The following CNTNAP2 variants were observed in gnomAD, a reference collection of about 807,000 sequenced individuals.
CNTNAP2 encodes contactin associated protein 2, also known as contactin-associated protein-like 2.
In CNTNAP2, 98 loss-of-function variants were observed where a neutral mutation model predicts 155.2. The ratio of observed to expected loss-of-function variants is 0.63; its 90% CI spans 0.54 to 0.75. The LOEUF (loss-of-function observed/expected upper bound fraction) is 0.75, where lower values mean the gene tolerates loss of function less well. Ranked by LOEUF, CNTNAP2 falls within the 30% of genes least tolerant of loss-of-function variation. The probability of loss-of-function intolerance (pLI) is 0.00; values close to 1 mark genes in which losing one functional copy is unlikely to be tolerated. For synonymous variants in CNTNAP2, 651 were observed against 631.2 expected (o/e 1.03, Z -0.47); for missense variants, 1,727 against 1,688.1 (o/e 1.02, Z -0.40).
chr7:147,111,865 T>A (rs1164175426), intron 5 of CNTNAP2, among the ~76,000 whole-genome samples: 1 of 152,184 alleles, frequency 6.6e-6, no homozygotes, highest in East Asian at 1.9e-4. Flanking sequence ...TTTGGTTCCA[T>A]GTGAATTTTT....
At chr7:147,784,141 A>G (rs540248081) in intron 13 of CNTNAP2, among the ~76,000 whole-genome samples, 29 of 151,922 alleles carry the variant, frequency 1.9e-4, no homozygotes, top group African/African-American at 7.0e-4. Context: ...CCTTTTTATA[A>G]GGACAGCAGC....
At chr7:148,234,179 T>C (rs1796010630) in intron 20 of CNTNAP2, among the ~76,000 whole-genome samples, 2 of 152,314 alleles carry the variant, frequency 1.3e-5, no homozygotes, top group Admixed American at 6.5e-5. Flanking sequence ...TAAAGTAAGA[T>C]GCAACCTGCC....
intron 13 of CNTNAP2, among the ~76,000 whole-genome samples, chr7:147,802,275 G>T (rs995212487): frequency 6.8e-6 from 1 of 146,564 alleles, no homozygotes; most frequent in Non-Finnish European, 1.5e-5. Context: ...GGGCAGAGAC[G>T]CTCCTCACTT....
At chr7:148,384,304 G>C (rs1799140971) in intron 22 of CNTNAP2, among the ~76,000 whole-genome samples, 1 of 152,162 alleles carries the variant, frequency 6.6e-6, no homozygotes, top group Non-Finnish European at 1.5e-5. Flanking sequence ...TCCTGGCTCT[G>C]TATTTATATG....
At chr7:146,784,164 A>G (rs1019086538) in intron 2 of CNTNAP2, among the ~76,000 whole-genome samples, 2 of 152,170 alleles carry the variant, frequency 1.3e-5, no homozygotes, top group African/African-American at 4.8e-5. Flanking sequence ...TTAGTTAATT[A>G]TTTTTAGGAA....
At chr7:146,541,214 G>T (rs1797948191) in intron 1 of CNTNAP2, among the ~76,000 whole-genome samples, 1 of 151,966 alleles carries the variant, frequency 6.6e-6, no homozygotes, top group Admixed American at 6.6e-5. Context: ...TAATTGCCAT[G>T]TCAAGGGTTT....
intron 1 of CNTNAP2, among the ~76,000 whole-genome samples, chr7:146,447,536 A>G (rs2129121413): frequency 6.6e-6 from 1 of 152,124 alleles, no homozygotes; most frequent in East Asian, 1.9e-4. Flanking sequence ...ATACTGACAA[A>G]GACAATATTA....
chr7:147,151,327 G>A (rs1286929135), intron 8 of CNTNAP2, among the ~76,000 whole-genome samples: 5 of 152,208 alleles, frequency 3.3e-5, no homozygotes, highest in East Asian at 3.9e-4. Context: ...CTGGTGTAAC[G>A]GGAATGATAA....
At chr7:147,002,299 AG>A (rs1267453815) in intron 3 of CNTNAP2, among the ~76,000 whole-genome samples, 1 of 152,102 alleles carries the variant, frequency 6.6e-6, no homozygotes, top group African/African-American at 2.4e-5. Context: ...AAGGTTCTGC[AG>A]CTTCCTGTGG....
chr7:147,101,136 A>T (rs1298044356), intron 4 of CNTNAP2, among the ~76,000 whole-genome samples: 1 of 152,236 alleles, frequency 6.6e-6, no homozygotes, highest in Admixed American at 6.5e-5. Context: ...TCAGGAGCAC[A>T]TAAAAAGAAA....
intron 12 of CNTNAP2, among the ~76,000 whole-genome samples, chr7:147,612,311 T>C (rs1801202658): frequency 6.6e-6 from 1 of 152,208 alleles, no homozygotes; most frequent in African/African-American, 2.4e-5. Context: ...TACATCTTGC[T>C]TTCATATGGA....
At chr7:147,165,634 C>T (rs1409110403) in intron 8 of CNTNAP2, among the ~76,000 whole-genome samples, 1 of 152,098 alleles carries the variant, frequency 6.6e-6, no homozygotes, top group African/African-American at 2.4e-5. Flanking sequence ...AGATTTAAGT[C>T]CTTGATCCAT....
chr7:147,625,949 G>A (rs1208187134), intron 12 of CNTNAP2, among the ~76,000 whole-genome samples: 3 of 152,160 alleles, frequency 2.0e-5, no homozygotes, highest in Non-Finnish European at 4.4e-5. Flanking sequence ...AATGGATTTA[G>A]GGAGTCACAT....
intron 1 of CNTNAP2, among the ~76,000 whole-genome samples, chr7:146,515,469 A>C (rs1797527238): frequency 6.6e-6 from 1 of 151,938 alleles, no homozygotes; most frequent in African/African-American, 2.4e-5. Context: ...CTAAGTTTTG[A>C]GTTTTGGGAT....
chr7:146,183,942 T>A (rs949426199), intron 1 of CNTNAP2, among the ~76,000 whole-genome samples: 1 of 152,188 alleles, frequency 6.6e-6, no homozygotes, highest in South Asian at 2.1e-4. Context: ...AGTAGCTGGC[T>A]CTTTACTTTG....
At chr7:147,786,502 A>C (rs1563088823) in intron 13 of CNTNAP2, among the ~76,000 whole-genome samples, 1 of 152,208 alleles carries the variant, frequency 6.6e-6, no homozygotes, top group Non-Finnish European at 1.5e-5. Context: ...CTTAAGCCTC[A>C]GTTCCACCCA....
At chr7:148,046,604 A>G (rs1802778661) in intron 15 of CNTNAP2, among the ~76,000 whole-genome samples, 2 of 152,072 alleles carry the variant, frequency 1.3e-5, no homozygotes, top group African/African-American at 2.4e-5. Flanking sequence ...TGGCTATATC[A>G]TTGCCTGGAA....
intron 3 of CNTNAP2, among the ~76,000 whole-genome samples, chr7:146,999,076 G>A (rs1374311822): frequency 6.6e-6 from 1 of 151,088 alleles, no homozygotes; most frequent in Admixed American, 6.6e-5. Flanking sequence ...CTTTCTTACT[G>A]CTTTCCTTTG....
intron 1 of CNTNAP2, among the ~76,000 whole-genome samples, chr7:146,710,669 CCT>C (rs1007149861): frequency 6.6e-6 from 1 of 152,032 alleles, no homozygotes; most frequent in African/African-American, 2.4e-5. Flanking sequence ...CCTCTGTTCT[CCT>C]CTCTTATTTA....
Sources: gnomAD v4.1 joint callset for allele counts (sites outside exome capture counted in the v4.1 genomes callset) on GRCh38, gnomAD v4.1.1 for gene constraint, MANE v1.5 for transcripts, NCBI Gene and HGNC (gene_info 2026-07-23, HGNC 2026-07-21) for gene names.